Variants in UTRN observed in about 807,000 individuals in gnomAD.
UTRN encodes utrophin, also known as dystrophin-related protein 1.
In UTRN, 283 loss-of-function variants were observed where a neutral mutation model predicts 463.9. The ratio of observed to expected loss-of-function variants is 0.61; its 90% CI spans 0.55 to 0.67. The LOEUF (loss-of-function observed/expected upper bound fraction) is 0.67, where lower values mean the gene tolerates loss of function less well. Among genes scored for constraint, UTRN ranks in the 30% least tolerant of loss-of-function variants. The pLI, the probability that UTRN is intolerant of heterozygous loss-of-function variation, is 0.00. For synonymous variants in UTRN, 1,442 were observed against 1,431.5 expected, an observed-to-expected ratio of 1.01 and a Z score of -0.17; for missense variants, 3,922 against 4,084.3, an observed-to-expected ratio of 0.96 and a Z score of 1.08.
intron 52 of UTRN, among the ~76,000 whole-genome samples, chr6:144,687,814 T>A (rs1229034224): frequency 1.3e-5 from 2 of 152,210 alleles, no homozygotes; most frequent in Non-Finnish European, 2.9e-5. Context: ...GATAGCCTGA[T>A]GACTATATGC....
intron 53 of UTRN, among the ~76,000 whole-genome samples, chr6:144,704,714 A>G (rs1784906180): frequency 6.6e-6 from 1 of 152,176 alleles, no homozygotes; most frequent in Non-Finnish European, 1.5e-5. Flanking sequence ...CTGTAATCCT[A>G]GCACTTTGGG....
intron 53 of UTRN, among the ~76,000 whole-genome samples, chr6:144,720,201 G>A (rs1467076706): frequency 1.3e-5 from 2 of 152,216 alleles, no homozygotes; most frequent in Non-Finnish European, 2.9e-5. Flanking sequence ...AGAAAATGAA[G>A]ATCAGCTGAT....
intron 51 of UTRN, among the ~76,000 whole-genome samples, chr6:144,665,214 C>G (rs1479790209): frequency 1.3e-5 from 2 of 152,184 alleles, no homozygotes; most frequent in Admixed American, 1.3e-4. Context: ...TGAATCTAGT[C>G]TAGCACCCAT....
chr6:144,393,055 C>T (rs992637513), intron 2 of UTRN, among the ~76,000 whole-genome samples: 14 of 143,978 alleles, frequency 9.7e-5, no homozygotes, highest in Admixed American at 1.4e-4. Flanking sequence ...ATCCATTCAT[C>T]CATCCATCCA....
chr6:144,690,089 T>TG (rs1436355407), intron 52 of UTRN, among the ~76,000 whole-genome samples: 3 of 36,850 alleles, frequency 8.1e-5, no homozygotes, highest in African/African-American at 2.9e-4. Context: ...TTTTTTTTTT[T>TG]TTTTTTTGTG....
chr6:144,719,583 C>CAGAA (rs1786884242), intron 53 of UTRN, among the ~76,000 whole-genome samples: 1 of 152,060 alleles, frequency 6.6e-6, no homozygotes, highest in Non-Finnish European at 1.5e-5. Context: ...ATCTCAAAAA[C>CAGAA]AGAAAGAAAG....
At position 144,573,381 on chromosome 6, in the gene UTRN, A is replaced by G. The variant is rs1304990174; in HGVS notation, c.7290-3718A>G. On this transcript the variant is annotated intron_variant, in intron 50 of 74. Coordinates refer to ENST00000367545, the MANE Select transcript of UTRN (RefSeq NM_007124.3). ...AGCCTGGCCAACATGGTGAAACCCT[A>G]TCTCTACTAAAAAAAAAAAATACAA... Among the ~76,000 whole-genome samples, 4 of 150,680 alleles carry G rather than the reference A, an allele frequency of 2.7e-5. No individual in the cohort carries two copies. In the East Asian group the frequency reaches 7.8e-4, roughly 29 times the overall value.
chr6:144,611,010 C>G (rs565636856), intron 51 of UTRN, among the ~76,000 whole-genome samples: 1 of 152,152 alleles, frequency 6.6e-6, no homozygotes, highest in African/African-American at 2.4e-5. Context: ...AGTCATTTAC[C>G]ATGATCATTG....
chr6:144,348,508 A>T (rs1452028320), intron 2 of UTRN, among the ~76,000 whole-genome samples: 1 of 152,234 alleles, frequency 6.6e-6, no homozygotes, highest in Non-Finnish European at 1.5e-5. Context: ...AGGACTCGTG[A>T]ATTTTTTGCA....
chr6:144,423,495 T>C, intron 4 of UTRN, 54 bp from the exon 5 acceptor site: 1 of 1,550,756 alleles, frequency 6.4e-7, no homozygotes, highest in South Asian at 1.1e-5. Context: ...CTAGTGTTAG[T>C]CAGGCATATG....
At chr6:144,631,935 TA>T (rs1243204659) in intron 51 of UTRN, among the ~76,000 whole-genome samples, 1 of 152,222 alleles carries the variant, frequency 6.6e-6, no homozygotes, top group African/African-American at 2.4e-5. Flanking sequence ...TGAGTTATCG[TA>T]AAAGACTGAC....
chr6:144,471,751 C>G (rs1790682704), intron 23 of UTRN, among the ~76,000 whole-genome samples: 1 of 152,108 alleles, frequency 6.6e-6, no homozygotes, highest in Non-Finnish European at 1.5e-5. Context: ...GAGGAAGCAG[C>G]TTGGGGAAAG....
rs371421082 is a variant in UTRN, at chr6:144,487,463, T to C, written c.3823-85T>C. On this transcript the variant is annotated intron_variant, in intron 28 of 74. Transcript: ENST00000367545. ...GATTTTTAGAAAATATAATTACTTG[T>C]TTAACAAATAGACATTTTGGGGATC... 1.5e-5 allele frequency: 20 copies of C among 1,330,660 alleles called. No individual in the cohort carries two copies. In the East Asian group the frequency reaches 2.9e-4, roughly 19 times the overall value. 82.4% of individuals were successfully genotyped at this position (1,330,660 alleles called of 1,614,324 possible).
rs779044663 is a variant in UTRN at position 144,736,939 on chromosome 6, G to A, written c.7939+6453G>A. Among the ~76,000 whole-genome samples the A allele has an allele frequency of 3.4e-4, 52 of 152,146 alleles. 1 individual carries two copies. Among genetic ancestry groups the A allele is most frequent in the Non-Finnish European group, 5.9e-5 (4 of 68,026 alleles). ...TCCAACGCTTGCCTCATTTGCCCACGCAGCTGCTGGTCATCCTGCCGGCTC... is the reference window on the plus strand; with the variant it reads ...TCCAACGCTTGCCTCATTTGCCCACACAGCTGCTGGTCATCCTGCCGGCTC... On this transcript the variant is annotated intron_variant, in intron 54 of 74. Transcript: ENST00000367545.
chr6:144,475,697 C>T (rs921728944), intron 25 of UTRN, among the ~76,000 whole-genome samples: 10 of 152,082 alleles, frequency 6.6e-5, no homozygotes, highest in African/African-American at 2.4e-4. Flanking sequence ...CTTACTGCAG[C>T]CTTGAACTCC....
chr6:144,601,317 A>T, intron 51 of UTRN, among the ~76,000 whole-genome samples: 1 of 152,216 alleles, frequency 6.6e-6, no homozygotes, highest in East Asian at 1.9e-4. Context: ...AGCTTCTGGA[A>T]ATGATTCACT....
intron 2 of UTRN, among the ~76,000 whole-genome samples, chr6:144,305,098 A>T (rs1355911486): frequency 2.0e-5 from 3 of 151,792 alleles, no homozygotes; most frequent in African/African-American, 7.3e-5. Context: ...TGCCCAGCTA[A>T]TTTTTTTTGT....
chr6:144,535,645 A>G (rs535688871), intron 43 of UTRN, among the ~76,000 whole-genome samples: 4 of 152,346 alleles, frequency 2.6e-5, no homozygotes, highest in African/African-American at 7.2e-5. Flanking sequence ...GGTAGTCTAT[A>G]TTAAATTGGG....
At chr6:144,504,480 G>A (rs1301663507) in intron 34 of UTRN, among the ~76,000 whole-genome samples, 1 of 152,174 alleles carries the variant, frequency 6.6e-6, no homozygotes, top group Non-Finnish European at 1.5e-5. Flanking sequence ...GGCCTTTTCT[G>A]CATCTATTGA....
Sources: allele counts gnomAD v4.1 joint callset (sites outside exome capture counted in the v4.1 genomes callset), GRCh38; gene constraint gnomAD v4.1.1; transcripts MANE v1.5; gene names NCBI Gene and HGNC (gene_info 2026-07-23, HGNC 2026-07-21).